The following AKNA variants were observed in gnomAD, a reference collection of about 807,000 sequenced individuals.
AKNA encodes the protein AT-hook transcription factor.
Under a neutral mutation model 138.8 loss-of-function variants are expected in AKNA, and 67 were observed. That is an observed-to-expected ratio of 0.48 (90% CI 0.40 to 0.59). AKNA has a LOEUF of 0.59. AKNA is among the 20% of genes least tolerant of loss of function. AKNA has a pLI of 0.00. For synonymous variants in AKNA, 737 were observed against 754.4 expected (o/e 0.98, Z 0.38); for missense variants, 1,813 against 1,880.4 (o/e 0.96, Z 0.66).
In AKNA at chr9:114,376,678, G is replaced by A. The variant is rs567983802; in HGVS notation, c.1129C>T (p.Arg377Cys). Residue 377 changes from arginine (R) to cysteine (C), a missense_variant, in exon 3 of 22, where the codon CGT becomes TGT. Arg to Cys is a radical substitution (Grantham distance 180). Coordinates refer to ENST00000374088, the MANE Select transcript of AKNA (RefSeq NM_001317950.2). The part of the protein sequence containing the change: ...RVRFPKDESY[R>C]PPKSRSHNRK... ...TTGTGGCTTCTGGACTTGGGGGGAC[G>A]GTAGCTCTCATCTTTGGGGAATCTC... 1.1e-5 allele frequency: 17 copies of A among 1,613,228 alleles called. No individual in the cohort carries two copies. The highest frequency in any genetic ancestry group is 1.7e-4 in the Middle Eastern group (1 of 6,042).
rs745385072 is a variant in AKNA at position 114,337,298 on chromosome 9, G to A, written c.4076C>T (p.Ala1359Val). The A allele has an allele frequency of 6.0e-6, 9 of 1,498,498 alleles. No individual in the cohort carries two copies. Among genetic ancestry groups the A allele is most frequent in the Middle Eastern group, 1.8e-4 (1 of 5,438 alleles). 92.8% of individuals were successfully genotyped at this position (1,498,498 alleles called of 1,614,324 possible). Residue 1359 changes from alanine (A) to valine (V), a missense_variant, in exon 22 of 22, where the codon GCG (alanine) becomes GTG (valine). Transcript: ENST00000374088. ...MPYPPAAVYY[A>V]PAGPTSAQPA... ...TTGGGCTGAGGTAGGTCCTGCAGGC[G>A]CATAGTACCTGAGGAGAGAAGTGAG...
intron 19 of AKNA, among the ~76,000 whole-genome samples, chr9:114,343,413 G>A (rs1428349990): frequency 6.6e-6 from 1 of 152,162 alleles, no homozygotes; most frequent in Non-Finnish European, 1.5e-5. Flanking sequence ...GGGGTGAAGG[G>A]AGGATGGAGG....
At chr9:114,393,990 T>A (rs930197199) in intron 1 of AKNA, among the ~76,000 whole-genome samples, 3 of 151,998 alleles carry the variant, frequency 2.0e-5, no homozygotes, top group Admixed American at 6.5e-5. Flanking sequence ...CTGGTCAACA[T>A]GGCGAAACCC....
chr9:114,386,371 A>G (rs1834031850), intron 1 of AKNA, among the ~76,000 whole-genome samples: 3 of 152,238 alleles, frequency 2.0e-5, no homozygotes, highest in South Asian at 2.1e-4. Context: ...AGGGCATTCC[A>G]GGCAGCGGGA....
chr9:114,361,051 T>G (rs531736287), intron 9 of AKNA, among the ~76,000 whole-genome samples: 74 of 152,242 alleles, frequency 4.9e-4, no homozygotes, highest in African/African-American at 1.8e-3. Context: ...CCATTTGCCC[T>G]GCCACCTCCC....
intron 14 of AKNA, among the ~76,000 whole-genome samples, chr9:114,355,301 A>G (rs28668428): frequency 0.12 from 18,822 of 151,550 alleles, 3,773 homozygotes; most frequent in African/African-American, 0.42. Context: ...TCAGCCTCCC[A>G]AGTAGCTAGG....
At chr9:114,346,890 A>G (rs1467811906) in intron 16 of AKNA, 106 bp from the exon 17 acceptor site, 2 of 937,896 alleles carry the variant, frequency 2.1e-6, no homozygotes, top group Admixed American at 2.5e-5. Context: ...ACACGATGGA[A>G]GGAAGAGAGT....
intron 1 of AKNA, among the ~76,000 whole-genome samples, chr9:114,382,225 G>A (rs73656095): frequency 0.061 from 9,315 of 152,180 alleles, 931 homozygotes; most frequent in African/African-American, 0.21. Context: ...TTTAGAAGCC[G>A]GTTCCTCCAA....
chr9:114,377,015 G>A lies in AKNA; in HGVS notation c.792C>T (p.Asp264=). The A allele has an allele frequency of 6.2e-7, 1 of 1,614,052 alleles. No homozygotes were observed. The highest frequency in any genetic ancestry group is 8.5e-7 in the Non-Finnish European group (1 of 1,179,986). Residue 264 remains aspartate (D), a synonymous_variant, in exon 3 of 22, where the codon GAC becomes GAT. Coordinates refer to ENST00000374088, the MANE Select transcript of AKNA (RefSeq NM_001317950.2). ...VARATPMEFQ[D]SSAPPAQSPQ... ...GACTCTGGGCTGGGGGAGCTGAGGA[G>A]TCCTGGAATTCCATGGGGGTTGCCC...
Position 114,361,922 on chromosome 9 carries a change from G to T in AKNA, c.1917-11C>A, listed in dbSNP as rs760913390. ...TCTGCCTCCAGCTCCCTGGAATGCAGAAACATTACCACCAGGAGCCCAAGA... is the reference window on the plus strand; with the variant it reads ...TCTGCCTCCAGCTCCCTGGAATGCATAAACATTACCACCAGGAGCCCAAGA... On this transcript the variant is annotated splice_polypyrimidine_tract_variant and intron_variant, in intron 8 of 21. Transcript: ENST00000374088. 6.3e-7 allele frequency: 1 copy of T among 1,599,920 alleles called. No homozygotes were observed. Among genetic ancestry groups the T allele is most frequent in the Admixed American group, 1.7e-5 (1 of 59,942 alleles).
At chr9:114,340,878 G>A (rs554426530) in intron 21 of AKNA, among the ~76,000 whole-genome samples, 9 of 152,326 alleles carry the variant, frequency 5.9e-5, no homozygotes, top group Middle Eastern at 3.4e-3. Context: ...TGTCACAGCC[G>A]AGGGGGCGTA....
chr9:114,376,424 A>T, intron 3 of AKNA, 42 bp downstream of exon 3: 1 of 1,601,188 alleles, frequency 6.2e-7, no homozygotes, highest in Non-Finnish European at 8.6e-7. Context: ...CCAAGCCAAC[A>T]GGGGCCTTGG....
intron 1 of AKNA, among the ~76,000 whole-genome samples, chr9:114,393,176 G>A (rs1834410938): frequency 6.6e-6 from 1 of 151,290 alleles, no homozygotes; most frequent in Admixed American, 6.6e-5. Flanking sequence ...TGAGGAAGCT[G>A]GTTTGAACCA....
chr9:114,365,634 T>C (rs755126114), intron 6 of AKNA, among the ~76,000 whole-genome samples: 1 of 152,178 alleles, frequency 6.6e-6, no homozygotes, highest in Non-Finnish European at 1.5e-5. Context: ...AATTTTCTCA[T>C]AGCCACATTG....
chr9:114,341,414 C>T (rs957589200), intron 21 of AKNA, 119 bp downstream of exon 21: 27 of 1,245,878 alleles, frequency 2.2e-5, no homozygotes, highest in East Asian at 5.0e-5. Flanking sequence ...ATGTTATCCA[C>T]GCAGGGATAA....
intron 15 of AKNA, 116 bp from the exon 16 acceptor site, chr9:114,348,016 A>C (rs1423231649): frequency 8.8e-7 from 1 of 1,142,240 alleles, no homozygotes; most frequent in Non-Finnish European, 1.2e-6. Context: ...CACAGGGTCT[A>C]TCTCTGCTGT....
intron 7 of AKNA, among the ~76,000 whole-genome samples, chr9:114,362,934 T>C (rs1367530145): frequency 1.3e-5 from 2 of 151,588 alleles, no homozygotes; most frequent in African/African-American, 4.9e-5. Flanking sequence ...TGCAAAACTG[T>C]GGGCTTCAGA....
chr9:114,362,017 G>T, intron 8 of AKNA, 106 bp from the exon 9 acceptor site: 5 of 1,152,324 alleles, frequency 4.3e-6, no homozygotes, highest in Non-Finnish European at 6.1e-6. Context: ...CCCCCTTAGG[G>T]TCCATTTAAT....
chr9:114,389,070 A>T (rs1307498990), upstream of AKNA, among the ~76,000 whole-genome samples: 1 of 152,226 alleles, frequency 6.6e-6, no homozygotes, highest in Non-Finnish European at 1.5e-5. Context: ...AGGAGGTGAC[A>T]TTCAAATAAG....
Sources: allele counts gnomAD v4.1 joint callset (sites outside exome capture counted in the v4.1 genomes callset), GRCh38; gene constraint gnomAD v4.1.1; transcripts MANE v1.5; gene names NCBI Gene and HGNC (gene_info 2026-07-23, HGNC 2026-07-21).